The following CCDC171 variants were observed in gnomAD, a reference collection of about 807,000 sequenced individuals.
The protein encoded by CCDC171 is coiled-coil domain containing 171, also known as coiled-coil domain-containing protein 171.
In CCDC171, 177 loss-of-function variants were observed where a neutral mutation model predicts 168.2. That is an observed-to-expected ratio of 1.05 (90% CI 0.93 to 1.19). The LOEUF (loss-of-function observed/expected upper bound fraction) is 1.19, where lower values mean the gene tolerates loss of function less well. CCDC171 is among the 50% of genes most tolerant of loss of function. CCDC171 has a pLI of 0.00. For missense variants in CCDC171, 1,991 were observed against 1,539.0 expected, an observed-to-expected ratio of 1.29 and a Z score of -4.91; for synonymous variants, 687 against 540.8, an observed-to-expected ratio of 1.27 and a Z score of -3.75.
intron 21 of CCDC171, among the ~76,000 whole-genome samples, chr9:15,804,666 G>A (rs970774498): frequency 2.3e-4 from 35 of 152,152 alleles, no homozygotes; most frequent in African/African-American, 7.7e-4. Context: ...TTGCATTGAT[G>A]TTCATTAAGA....
intron 6 of CCDC171, among the ~76,000 whole-genome samples, chr9:16,029,745 C>T (rs1016479934): frequency 6.6e-5 from 10 of 151,998 alleles, no homozygotes; most frequent in Admixed American, 3.3e-4. Context: ...GACTTGGGAA[C>T]CAAATTGGTG....
chr9:15,588,725 T>A (rs2041768310), intron 4 of CCDC171: 1 of 112,094 alleles, frequency 8.9e-6, no homozygotes, highest in Admixed American at 9.8e-5. Flanking sequence ...TTTTTTTTTA[T>A]GAGACGGAGT....
At chr9:15,778,079 T>C (rs202034461) in intron 19 of CCDC171, among the ~76,000 whole-genome samples, 2 of 126,816 alleles carry the variant, frequency 1.6e-5, no homozygotes, top group Non-Finnish European at 3.4e-5. Flanking sequence ...GGGTGGATCA[T>C]GAGGTCAGGA....
chr9:15,733,740 T>C lies in CCDC171; in HGVS notation c.2049+3942T>C, dbSNP rs544896447. Among the ~76,000 whole-genome samples the C allele has an allele frequency of 3.1e-4, 5 of 15,906 alleles. No homozygotes were observed. The East Asian group carries it at 0.23, about 723-fold the overall frequency. The allele number at this position is 15,906 out of a possible 152,430, so 10.4% of individuals were successfully genotyped here. A position where few individuals can be genotyped will look rare whatever the true frequency, so the allele number is the denominator to read the frequency against. ...TTCTTTTTTCATCAATGTCCTGAAC[T>C]CTTTGAAAATCTACCAGAAGGCATA... On this transcript the variant is annotated intron_variant, in intron 16 of 25. Coordinates refer to ENST00000380701, the MANE Select transcript of CCDC171 (RefSeq NM_173550.4).
At chr9:15,670,624 C>G (rs1281841166) in intron 9 of CCDC171, among the ~76,000 whole-genome samples, 1 of 152,168 alleles carries the variant, frequency 6.6e-6, no homozygotes, top group Non-Finnish European at 1.5e-5. Flanking sequence ...TCCCACACCA[C>G]AGACACTCCT....
At chr9:15,744,912 C>T (rs139497586) in intron 17 of CCDC171, 135 bp downstream of exon 17, 19 of 823,836 alleles carry the variant, frequency 2.3e-5, no homozygotes, top group African/African-American at 1.0e-4. Context: ...TCCATATGTA[C>T]GTATATGTGT....
At chr9:15,909,384 ATTC>A (rs1257449327) in intron 24 of CCDC171, among the ~76,000 whole-genome samples, 1 of 128,836 alleles carries the variant, frequency 7.8e-6, no homozygotes, top group East Asian at 2.4e-4. Context: ...GCTTTTATGC[ATTC>A]ATGTACATGT....
Position 15,730,730 on chromosome 9 carries a change from T to A in CCDC171, c.2049+932T>A, listed in dbSNP as rs1229789721. ...AATTTAAAGGTCCTATATGAACTTA[T>A]GCCTTTCTATATGAATTTGAATGAA... On this transcript the variant is annotated intron_variant, in intron 16 of 25. Transcript: ENST00000380701. Among the ~76,000 whole-genome samples, 3 of 151,954 alleles carry A rather than the reference T, an allele frequency of 2.0e-5. No homozygotes were observed. The East Asian group carries it at 5.8e-4, about 29-fold the overall frequency.
chr9:15,928,022 A>G (rs570521766), intron 25 of CCDC171, among the ~76,000 whole-genome samples: 33 of 151,826 alleles, frequency 2.2e-4, no homozygotes, highest in East Asian at 9.8e-4. Context: ...GTGCACTTCA[A>G]TGGTATAAAG....
intron 11 of CCDC171, among the ~76,000 whole-genome samples, chr9:15,706,643 G>A (rs10810431): frequency 0.41 from 61,950 of 151,872 alleles, 14,395 homozygotes; most frequent in East Asian, 0.78. Context: ...TATGCCTGAG[G>A]GTGTCAGCAA....
intron 11 of CCDC171, among the ~76,000 whole-genome samples, chr9:15,711,435 A>T (rs1564263431): frequency 1.3e-5 from 2 of 152,172 alleles, no homozygotes; most frequent in African/African-American, 2.4e-5. Flanking sequence ...TTGTTATGAT[A>T]GGTTTAATTA....
intron 24 of CCDC171, among the ~76,000 whole-genome samples, chr9:15,889,989 T>C (rs1360028559): frequency 2.0e-5 from 3 of 152,152 alleles, no homozygotes; most frequent in Non-Finnish European, 4.4e-5. Context: ...GAAATAAAAA[T>C]ATCACTTAAT....
intron 11 of CCDC171, among the ~76,000 whole-genome samples, chr9:15,695,773 C>A (rs768398849): frequency 1.3e-5 from 2 of 152,196 alleles, no homozygotes; most frequent in East Asian, 3.8e-4. Flanking sequence ...ACTTTCCAAG[C>A]CGGTTTTCTA....
At chr9:15,929,453 C>G (rs1826252403) in intron 25 of CCDC171, among the ~76,000 whole-genome samples, 1 of 151,738 alleles carries the variant, frequency 6.6e-6, no homozygotes, top group South Asian at 2.1e-4. Flanking sequence ...CACTTCTGTG[C>G]CCTGTTTCTC....
rs933839031 is a variant in CCDC171 at position 15,631,254 on chromosome 9, A to G, written c.822+7841A>G. On this transcript the variant is annotated intron_variant, in intron 7 of 25. Coordinates refer to ENST00000380701, the MANE Select transcript of CCDC171 (RefSeq NM_173550.4). ...AGAAGCTGGTTTTTTGAAAAGATCA[A>G]CAAAATTGATAGACAGCTAGCAAGA... 8.5e-4 allele frequency among the ~76,000 whole-genome samples: 129 copies of G among 152,082 alleles called. 1 individual carries two copies. Among genetic ancestry groups the G allele is most frequent in the African/African-American group, 2.8e-3 (117 of 41,510 alleles).
At position 15,781,500 on chromosome 9, in the gene CCDC171, C is replaced by G. The variant is rs141232513; in HGVS notation, c.3081+2350C>G. 5.3e-3 allele frequency among the ~76,000 whole-genome samples: 812 copies of G among 152,294 alleles called. 9 individuals are homozygous for G. Among genetic ancestry groups the G allele is most frequent in the African/African-American group, 0.018 (762 of 41,566 alleles). On this transcript the variant is annotated intron_variant, in intron 20 of 25. Transcript: ENST00000380701. ...TGGTACGATCTCAGCTCACTGCAGC[C>G]TCCACCTCCCAGGTTCAAGGAATTC...
chr9:16,105,630 A>G, the CCDC171 span, among the ~76,000 whole-genome samples: 1 of 152,154 alleles, frequency 6.6e-6, no homozygotes, highest in African/African-American at 2.4e-5. Context: ...TTCCTGAGTG[A>G]AGATAATAGA....
chr9:15,653,055 C>G (rs1387792058), intron 7 of CCDC171, among the ~76,000 whole-genome samples: 1 of 152,162 alleles, frequency 6.6e-6, no homozygotes, highest in Non-Finnish European at 1.5e-5. Flanking sequence ...TTGAGTTAAA[C>G]TCCCACTTCC....
intron 7 of CCDC171, among the ~76,000 whole-genome samples, chr9:15,625,584 C>G (rs1452805726): frequency 6.6e-6 from 1 of 152,174 alleles, no homozygotes; most frequent in African/African-American, 2.4e-5. Context: ...GTCCTTTCCC[C>G]ATTTCTTGTT....
Sources: gnomAD v4.1 joint callset for allele counts (sites outside exome capture counted in the v4.1 genomes callset) on GRCh38, gnomAD v4.1.1 for gene constraint, MANE v1.5 for transcripts, NCBI Gene and HGNC (gene_info 2026-07-23, HGNC 2026-07-21) for gene names.